The following KCNH1 variants were observed in gnomAD, a reference collection of about 807,000 sequenced individuals.
KCNH1 encodes the protein voltage-gated delayed rectifier potassium channel KCNH1.
A neutral mutation model predicts 69.2 loss-of-function variants in KCNH1; 27 were observed. The observed-to-expected ratio is 0.39, with a 90% CI of 0.29 to 0.54. The LOEUF (loss-of-function observed/expected upper bound fraction) is 0.54. Among genes scored for constraint, KCNH1 ranks in the 20% least tolerant of loss-of-function variants. KCNH1 has a pLI of 0.68. For synonymous variants in KCNH1, 456 were observed against 487.7 expected, an observed-to-expected ratio of 0.93 and a Z score of 0.86; for missense variants, 798 against 1,261.6, an observed-to-expected ratio of 0.63 and a Z score of 5.57.
In KCNH1 at chr1:210,694,070, C is replaced by T. The variant is rs186056995; in HGVS notation, c.2113-9932G>A. ...GGATCTTTGAACCTCTCCCTACTTC[C>T]ATTAAAAGCTCCTTGAAGCATGTGG... On this transcript the variant is annotated intron_variant, in intron 10 of 10. Coordinates refer to ENST00000271751, the MANE Select transcript of KCNH1 (RefSeq NM_172362.3). Among the ~76,000 whole-genome samples, 5 of 152,302 alleles carry T rather than the reference C, an allele frequency of 3.3e-5. No homozygotes were observed. The East Asian group carries it at 9.7e-4, about 29-fold the overall frequency.
chr1:211,123,516 G>A (rs1338400731), intron 1 of KCNH1, among the ~76,000 whole-genome samples: 12 of 152,148 alleles, frequency 7.9e-5, no homozygotes, highest in Non-Finnish European at 7.4e-5. Context: ...GAGACAGACA[G>A]CAAAGAGACA....
At chr1:210,775,273 T>A (rs1045733032) in intron 10 of KCNH1, 75 bp downstream of exon 10, 4 of 1,311,482 alleles carry the variant, frequency 3.0e-6, no homozygotes, top group African/African-American at 1.5e-5. Context: ...GCAAAGGGAC[T>A]TTTCTGGTCA....
At chr1:210,844,149 G>A (rs1280194109) in intron 7 of KCNH1, among the ~76,000 whole-genome samples, 3 of 152,020 alleles carry the variant, frequency 2.0e-5, no homozygotes, top group Non-Finnish European at 4.4e-5. Context: ...TGGGGCAAGG[G>A]AAAAAACACC....
intron 4 of KCNH1, among the ~76,000 whole-genome samples, chr1:211,087,639 GCACACACA>G (rs5780626): frequency 1.4e-5 from 2 of 140,580 alleles, no homozygotes; most frequent in Non-Finnish European, 3.1e-5. Context: ...ACACACACAC[GCACACACA>G]CACACACACA....
At chr1:211,046,176 T>C (rs1010676530) in intron 5 of KCNH1, among the ~76,000 whole-genome samples, 1 of 152,222 alleles carries the variant, frequency 6.6e-6, no homozygotes, top group East Asian at 1.9e-4. Context: ...AATACTGCAA[T>C]GAGCATGGGA....
chr1:210,684,734 G>A (rs979379869), intron 10 of KCNH1, among the ~76,000 whole-genome samples: 2 of 152,200 alleles, frequency 1.3e-5, no homozygotes, highest in African/African-American at 2.4e-5. Context: ...ATTCTCACAC[G>A]GAAGTCCTTG....
chr1:210,800,032 T>C (rs1236849471), intron 8 of KCNH1, among the ~76,000 whole-genome samples: 1 of 152,246 alleles, frequency 6.6e-6, no homozygotes, highest in Non-Finnish European at 1.5e-5. Flanking sequence ...AAATTATATC[T>C]ACCAGTACAC....
chr1:210,693,780 T>A (rs1294124846), intron 10 of KCNH1, among the ~76,000 whole-genome samples: 1 of 152,212 alleles, frequency 6.6e-6, no homozygotes, highest in Non-Finnish European at 1.5e-5. Context: ...AACTTCGACC[T>A]GTGGCCTCAC....
At chr1:211,132,074 TC>T (rs1691886791) in intron 1 of KCNH1, among the ~76,000 whole-genome samples, 1 of 152,234 alleles carries the variant, frequency 6.6e-6, no homozygotes, top group East Asian at 1.9e-4. Context: ...TGTAAGTTTC[TC>T]TTCCTGCTCC....
At chr1:210,971,134 G>A (rs1688504344) in intron 6 of KCNH1, among the ~76,000 whole-genome samples, 1 of 151,732 alleles carries the variant, frequency 6.6e-6, no homozygotes, top group Non-Finnish European at 1.5e-5. Flanking sequence ...TTTTTGTTTA[G>A]CAGAGACGAG....
In KCNH1 at chr1:211,024,146, T is replaced by C. The variant is rs138862690; in HGVS notation, c.559-4890A>G. 3.3e-4 allele frequency among the ~76,000 whole-genome samples: 51 copies of C among 152,332 alleles called. 1 individual carries two copies. The highest frequency in any genetic ancestry group is 1.2e-3 in the African/African-American group (51 of 41,578). ...GTTCTAGGCACTGGACATGCAGCAT[T>C]GAAGGAAACAGCATAATGCCTGCTC... is the stretch of plus-strand genomic sequence containing the variant. On this transcript the variant is annotated intron_variant, in intron 5 of 10. Coordinates refer to ENST00000271751, the MANE Select transcript of KCNH1 (RefSeq NM_172362.3).
intron 10 of KCNH1, among the ~76,000 whole-genome samples, chr1:210,761,021 G>C (rs565472381): frequency 6.6e-6 from 1 of 152,016 alleles, no homozygotes; most frequent in South Asian, 2.1e-4. Flanking sequence ...GGGAGGCCGA[G>C]GCGGGCGGAT....
At chr1:210,894,443 G>T (rs530113208) in intron 7 of KCNH1, among the ~76,000 whole-genome samples, 2 of 151,968 alleles carry the variant, frequency 1.3e-5, no homozygotes, top group Non-Finnish European at 2.9e-5. Context: ...AATCCTTTTG[G>T]GTCATTCTTC....
At chr1:210,964,822 C>A (rs1688368187) in intron 6 of KCNH1, among the ~76,000 whole-genome samples, 1 of 152,156 alleles carries the variant, frequency 6.6e-6, no homozygotes, top group African/African-American at 2.4e-5. Flanking sequence ...AGGCCAATAT[C>A]CCTGACGAAC....
intron 7 of KCNH1, among the ~76,000 whole-genome samples, chr1:210,847,712 C>G (rs1389656092): frequency 6.7e-6 from 1 of 149,356 alleles, no homozygotes; most frequent in South Asian, 2.1e-4. Context: ...CACATGTACC[C>G]TAAAACTTAA....
intron 9 of KCNH1, among the ~76,000 whole-genome samples, chr1:210,794,159 A>AT (rs1218298141): frequency 6.6e-6 from 1 of 152,192 alleles, no homozygotes; most frequent in Admixed American, 6.5e-5. Context: ...AAAACTCTGA[A>AT]TTTAAGTTTC....
chr1:210,859,884 G>A, intron 7 of KCNH1: 1 of 1,248,794 alleles, frequency 8.0e-7, no homozygotes, highest in Non-Finnish European at 1.2e-6. Flanking sequence ...ATTTTCTAAG[G>A]TATTTAGTAA....
intron 6 of KCNH1, among the ~76,000 whole-genome samples, chr1:211,003,289 G>A (rs1689223338): frequency 6.6e-6 from 1 of 152,182 alleles, no homozygotes; most frequent in South Asian, 2.1e-4. Flanking sequence ...TTTGGAAGGA[G>A]AAGAAAGGTC....
chr1:210,911,244 G>A (rs1270643471), intron 7 of KCNH1, among the ~76,000 whole-genome samples: 1 of 151,928 alleles, frequency 6.6e-6, no homozygotes, highest in East Asian at 1.9e-4. Flanking sequence ...GGTATATACT[G>A]CCTGACCCCT....
Sources: gnomAD v4.1 joint callset for allele counts (sites outside exome capture counted in the v4.1 genomes callset) on GRCh38, gnomAD v4.1.1 for gene constraint, MANE v1.5 for transcripts, NCBI Gene and HGNC (gene_info 2026-07-23, HGNC 2026-07-21) for gene names.